The following FGFR1 variants were observed in gnomAD, a reference collection of about 807,000 sequenced individuals.
FGFR1 encodes the protein FGFR1/PLAG1 fusion.
FGFR1 carries 18 observed loss-of-function variants against 93.7 expected under a neutral mutation model. The ratio of observed to expected loss-of-function variants is 0.19; its 90% CI spans 0.13 to 0.28. The LOEUF is 0.28. FGFR1 is among the 10% of genes least tolerant of loss of function. The pLI, the probability that FGFR1 is intolerant of heterozygous loss-of-function variation, is 1.00. For missense variants in FGFR1, 731 were observed against 1,080.4 expected (o/e 0.68, Z 4.53); for synonymous variants, 448 against 429.3 (o/e 1.04, Z -0.54).
At chr8:38,420,779 C>T (rs953568061) in intron 8 of FGFR1, among the ~76,000 whole-genome samples, 4 of 152,138 alleles carry the variant, frequency 2.6e-5, no homozygotes, top group South Asian at 2.1e-4. Context: ...CCCAGAGAGG[C>T]ATGAGGCATG....
Position 38,457,401 on chromosome 8 carries a change from C to T in FGFR1, c.46G>A (p.Ala16Thr), listed in dbSNP as rs1833149044. ...CLLFWAVLVT[A>T]TLCTARPSPT... ...GACGGCCTAGCGGTGCAGAGTGTGG[C>T]TGTGACCAGCACAGCCCAGAAGAGG... is the stretch of plus-strand genomic sequence containing the variant. Residue 16 changes from alanine (A) to threonine (T), a missense_variant, in exon 2 of 18, where the codon GCC (alanine) becomes ACC (threonine). By Grantham distance (58) the Ala-to-Thr change is moderately conservative. Transcript: ENST00000447712. 4 of 1,613,962 alleles carry T rather than the reference C, an allele frequency of 2.5e-6. No homozygotes were observed. Among genetic ancestry groups the T allele is most frequent in the Non-Finnish European group, 2.5e-6 (3 of 1,180,024 alleles).
At chr8:38,427,054 C>A (rs953623659) in intron 5 of FGFR1, among the ~76,000 whole-genome samples, 1 of 150,984 alleles carries the variant, frequency 6.6e-6, no homozygotes, top group East Asian at 2.0e-4. Context: ...TTGCAGTGAG[C>A]CAAGATGGCA....
At chr8:38,455,940 C>T (rs1406446285) in intron 2 of FGFR1, among the ~76,000 whole-genome samples, 1 of 152,194 alleles carries the variant, frequency 6.6e-6, no homozygotes, top group Non-Finnish European at 1.5e-5. Flanking sequence ...GACACAGTCT[C>T]TCCCACTTTG....
intron 8 of FGFR1, 45 bp downstream of exon 8, chr8:38,421,752 C>A (rs1818888327): frequency 1.2e-6 from 2 of 1,608,020 alleles, no homozygotes; most frequent in African/African-American, 1.3e-5. Context: ...CCCCCCGTGC[C>A]CGTGGCGAGG....
intron 2 of FGFR1, among the ~76,000 whole-genome samples, chr8:38,448,175 T>C (rs1051487151): frequency 4.6e-5 from 7 of 152,342 alleles, no homozygotes; most frequent in African/African-American, 1.4e-4. Flanking sequence ...TTAACAGTGA[T>C]TGCTTTTGAA....
chr8:38,461,324 A>T (rs1002581907), intron 1 of FGFR1: 12 of 581,284 alleles, frequency 2.1e-5, no homozygotes, highest in African/African-American at 1.9e-4. Context: ...TAGCTGACGA[A>T]TTCATGGCCA....
At chr8:38,437,778 C>A (rs1825935998) in intron 2 of FGFR1, among the ~76,000 whole-genome samples, 1 of 152,194 alleles carries the variant, frequency 6.6e-6, no homozygotes. Context: ...CCAGGGAACA[C>A]ACCTCTCTGC....
At chr8:38,422,019 C>T (rs1717592282) in intron 7 of FGFR1, 78 bp from the exon 8 acceptor site, 1 of 1,530,994 alleles carries the variant, frequency 6.5e-7, no homozygotes, top group Non-Finnish European at 9.0e-7. Context: ...GGGAAGGAGA[C>T]AGAAAGAAGG....
chr8:38,425,258 A>C (rs1364629358), intron 6 of FGFR1, among the ~76,000 whole-genome samples: 1 of 151,996 alleles, frequency 6.6e-6, no homozygotes, highest in East Asian at 1.9e-4. Context: ...TTCCCACCTC[A>C]GTAGCCTCAG....
intron 2 of FGFR1, among the ~76,000 whole-genome samples, chr8:38,433,919 C>T (rs1314586021): frequency 6.6e-6 from 1 of 152,210 alleles, no homozygotes; most frequent in Non-Finnish European, 1.5e-5. Flanking sequence ...ATAGTAGTCA[C>T]TCCTCCATCC....
In FGFR1 at chr8:38,433,056, G is replaced by A. The variant is rs147133674; in HGVS notation, c.92-3108C>T. ...AAGTCCACCATCCAAAACGTCCAGG[G>A]GCTGGGTGCAGTGGCTTATGCCTGC... is the stretch of plus-strand genomic sequence containing the variant. On this transcript the variant is annotated intron_variant, in intron 2 of 17. Transcript: ENST00000447712. Among the ~76,000 whole-genome samples the A allele has an allele frequency of 1.3e-3, 202 of 152,242 alleles. 1 individual carries two copies. The highest frequency in any genetic ancestry group is 4.5e-3 in the African/African-American group (187 of 41,548).
In FGFR1 at chr8:38,426,311, C is replaced by T. The variant is rs191558119; in HGVS notation, c.622-66G>A. 105 of 1,606,900 alleles carry T rather than the reference C, an allele frequency of 6.5e-5. No homozygotes were observed. In the East Asian group the frequency reaches 1.3e-3, roughly 20 times the overall value. ...GAAAATGCAGGCCCCATGACAATGT[C>T]GGCACCCCGTGGCACCTGCCCTCCA... On this transcript the variant is annotated intron_variant, in intron 5 of 17. Coordinates refer to ENST00000447712, the MANE Select transcript of FGFR1 (RefSeq NM_023110.3). The surrounding 1 kb of genome is among the most constrained non-coding windows in gnomAD (Gnocchi z 4.1).
chr8:38,443,710 A>G (rs1030207712), intron 2 of FGFR1, among the ~76,000 whole-genome samples: 7 of 151,896 alleles, frequency 4.6e-5, no homozygotes, highest in Admixed American at 2.6e-4. Context: ...AAAAAAATAA[A>G]AATAGTTAAA....
At chr8:38,423,634 T>C (rs1411787013) in intron 7 of FGFR1, 3 of 138,558 alleles carry the variant, frequency 2.2e-5, no homozygotes, top group African/African-American at 8.4e-5. Context: ...ACAGAACAAG[T>C]GGACTTCAAA....
intron 2 of FGFR1, among the ~76,000 whole-genome samples, chr8:38,442,905 C>T (rs905058120): frequency 2.0e-5 from 3 of 152,240 alleles, no homozygotes; most frequent in Admixed American, 6.5e-5. Flanking sequence ...CCCGCAATCC[C>T]GTCTCATTCC....
chr8:38,440,715 T>C (rs1431204871), intron 2 of FGFR1, among the ~76,000 whole-genome samples: 3 of 152,120 alleles, frequency 2.0e-5, no homozygotes, highest in Non-Finnish European at 4.4e-5. Context: ...ACTGCTGTGT[T>C]TGCCAGAGGG....
chr8:38,441,044 G>A (rs993726660), intron 2 of FGFR1, among the ~76,000 whole-genome samples: 1 of 152,128 alleles, frequency 6.6e-6, no homozygotes, highest in Admixed American at 6.5e-5. Context: ...GCCACAGCCA[G>A]GACCCTGCAC....
Position 38,418,692 on chromosome 8 carries a change from T to G in FGFR1, c.1285-319A>C, listed in dbSNP as rs374151838. The G allele has an allele frequency of 2.7e-4, 114 of 416,076 alleles. 2 individuals carry two copies. Among genetic ancestry groups the G allele is most frequent in the South Asian group, 2.7e-3 (109 of 40,662 alleles). 25.8% of individuals were successfully genotyped at this position (416,076 alleles called of 1,614,324 possible). ...TGTTCTCCTGACTCTTTGCAAATAC[T>G]TTGCCTTAGCTTATGGATTCCTAAC... On this transcript the variant is annotated intron_variant, in intron 9 of 17. Transcript: ENST00000447712.
chr8:38,456,618 G>A (rs948945649), intron 2 of FGFR1, among the ~76,000 whole-genome samples: 3 of 152,180 alleles, frequency 2.0e-5, no homozygotes, highest in African/African-American at 4.8e-5. Context: ...AGGCTGGAGC[G>A]CAGTAGTGCA....
Sources: gnomAD v4.1 joint callset for allele counts (sites outside exome capture counted in the v4.1 genomes callset) on GRCh38, gnomAD v4.1.1 for gene constraint, Gnocchi (gnomAD v3.1) non-coding constraint, MANE v1.5 for transcripts, NCBI Gene and HGNC (gene_info 2026-07-23, HGNC 2026-07-21) for gene names.